The following CEP83 variants were observed in gnomAD, a reference collection of about 807,000 sequenced individuals.
The protein encoded by CEP83 is centrosomal protein of 83 kDa.
A neutral mutation model predicts 101.9 loss-of-function variants in CEP83; 70 were observed. The observed-to-expected ratio is 0.69, with a 90% CI of 0.57 to 0.84. The LOEUF (loss-of-function observed/expected upper bound fraction) is 0.84, where lower values mean the gene tolerates loss of function less well. Ranked by LOEUF, CEP83 falls within the 40% of genes least tolerant of loss-of-function variation. The pLI, the probability that CEP83 is intolerant of heterozygous loss-of-function variation, is 0.00. For missense variants in CEP83, 715 were observed against 787.2 expected (o/e 0.91, Z 1.10); for synonymous variants, 264 against 267.9 (o/e 0.99, Z 0.14).
chr12:94,420,244 T>C (rs1032575269), intron 2 of CEP83, among the ~76,000 whole-genome samples: 9 of 152,086 alleles, frequency 5.9e-5, no homozygotes, highest in African/African-American at 1.9e-4. Flanking sequence ...TAAAAAAAAA[T>C]ACATATACTA....
chr12:94,352,488 G>T (rs2060248303), intron 11 of CEP83, among the ~76,000 whole-genome samples: 1 of 149,738 alleles, frequency 6.7e-6, no homozygotes, highest in Admixed American at 6.7e-5. Flanking sequence ...TAATACTCCA[G>T]TAATAGACCC....
Position 94,333,515 on chromosome 12 carries a change from C to G in CEP83, c.1544G>C (p.Ser515Thr). The G allele has an allele frequency of 6.2e-7, 1 of 1,613,358 alleles. No individual in the cohort carries two copies. The highest frequency in any genetic ancestry group is 8.5e-7 in the Non-Finnish European group (1 of 1,179,728). ...TTCTAGTTGCGCTTTTTCAGCTTGG[C>G]TTCTAAAATTTCGGCATTCTTGTTT... Reference protein sequence around the residue: ...RLKQECRNFRSQAEKAQLEAE... With the variant: ...RLKQECRNFRTQAEKAQLEAE... Residue 515 changes from serine to threonine, a missense_variant, in exon 13 of 17, where the codon AGC (serine) becomes ACC (threonine). Coordinates refer to ENST00000397809, the MANE Select transcript of CEP83 (RefSeq NM_016122.3).
At chr12:94,297,479 T>C in the CEP83 span, 1 of 1,182,152 alleles carries the variant, frequency 8.5e-7, no homozygotes, top group Admixed American at 1.8e-5. Context: ...TATGATATGT[T>C]TGACTTAATT....
downstream of CEP83, chr12:94,305,580 A>T (rs982968762): frequency 6.5e-6 from 2 of 307,470 alleles, no homozygotes; most frequent in East Asian, 6.4e-5. Flanking sequence ...TTGTAACTAC[A>T]GTCTCCACTT....
At chr12:94,384,310 CT>C (rs2062012891) in intron 6 of CEP83, among the ~76,000 whole-genome samples, 1 of 152,154 alleles carries the variant, frequency 6.6e-6, no homozygotes. Flanking sequence ...AGCTAGTTTT[CT>C]AATTGTTTTC....
intron 6 of CEP83, among the ~76,000 whole-genome samples, chr12:94,393,772 A>G (rs571949137): frequency 3.6e-4 from 55 of 152,360 alleles, no homozygotes; most frequent in African/African-American, 1.2e-3. Context: ...CAACTTCAGC[A>G]AAGTCTCAGG....
chr12:94,383,884 C>G (rs749387119), intron 6 of CEP83, among the ~76,000 whole-genome samples: 1 of 151,880 alleles, frequency 6.6e-6, no homozygotes, highest in African/African-American at 2.4e-5. Context: ...CTTTTATATC[C>G]CTTTGTCCTT....
intron 13 of CEP83, among the ~76,000 whole-genome samples, chr12:94,333,045 C>CAAAAAAAAAAAAAAAAAAAAAA (rs34900007): frequency 1.4e-5 from 1 of 73,174 alleles, no homozygotes; most frequent in Non-Finnish European, 2.4e-5. Flanking sequence ...ATTTTAAGAC[C>CAAAAAAAAAAAAAAAAAAAAAA]AAAAAAAAAA....
chr12:94,339,085 C>T (rs1303293301), intron 11 of CEP83, among the ~76,000 whole-genome samples: 1 of 152,128 alleles, frequency 6.6e-6, no homozygotes, highest in Admixed American at 6.5e-5. Context: ...CTGCCTCAGC[C>T]TCTCAAGTAG....
rs181182548 is a variant in CEP83 at position 94,413,105 on chromosome 12, C to T, written c.-101-514G>A. Among the ~76,000 whole-genome samples, 152 of 152,320 alleles carry T rather than the reference C, an allele frequency of 1.0e-3. 1 individual carries two copies. The highest frequency in any genetic ancestry group is 3.4e-3 in the African/African-American group (141 of 41,572). On this transcript the variant is annotated intron_variant, in intron 2 of 16. Transcript: ENST00000397809. ...CTGACATCAGGCATTCTGCCTGCCT[C>T]GGCCTCCCAAAGTGCTGGGATTACA... is the stretch of plus-strand genomic sequence containing the variant.
the CEP83 span, among the ~76,000 whole-genome samples, chr12:94,296,812 T>C: frequency 6.6e-6 from 1 of 152,250 alleles, no homozygotes. Flanking sequence ...ATGTCTCTCA[T>C]TGGCCAGAAT....
rs191330752 is a variant in CEP83, at chr12:94,448,118, T to A, written c.-155+11439A>T. 1.0e-3 allele frequency among the ~76,000 whole-genome samples: 158 copies of A among 151,912 alleles called. 1 individual carries two copies. The highest frequency in any genetic ancestry group is 3.4e-3 in the Middle Eastern group (1 of 294). ...CAGGTTAAAATTAAAAGGATTTTTT[T>A]AAAAAAATACACCATAGAAACAGTA... On this transcript the variant is annotated intron_variant, in intron 1 of 16. Transcript: ENST00000397809.
intron 1 of CEP83, among the ~76,000 whole-genome samples, chr12:94,446,923 A>G (rs2066852088): frequency 1.3e-5 from 2 of 152,190 alleles, no homozygotes; most frequent in Non-Finnish European, 2.9e-5. Context: ...TGAAACACAA[A>G]GAGGAAATCT....
intron 1 of CEP83, among the ~76,000 whole-genome samples, chr12:94,454,633 C>G (rs527561985): frequency 1.3e-5 from 2 of 152,210 alleles, no homozygotes; most frequent in African/African-American, 4.8e-5. Context: ...CCTTCCATGC[C>G]GTGGAAGCTC....
intron 7 of CEP83, among the ~76,000 whole-genome samples, chr12:94,377,602 T>G (rs947212415): frequency 9.2e-5 from 14 of 152,328 alleles, no homozygotes; most frequent in African/African-American, 3.4e-4. Context: ...AAGAAATGCT[T>G]GCTGTCATAC....
At chr12:94,337,216 A>C (rs1042740717) in intron 11 of CEP83, among the ~76,000 whole-genome samples, 2 of 152,236 alleles carry the variant, frequency 1.3e-5, no homozygotes, top group Admixed American at 1.3e-4. Context: ...AGCTGAAGCC[A>C]AAGAAACCAA....
intron 1 of CEP83, among the ~76,000 whole-genome samples, chr12:94,436,063 GA>G (rs928894003): frequency 8.2e-5 from 12 of 146,770 alleles, no homozygotes; most frequent in African/African-American, 3.0e-4. Context: ...CACCCTGTGG[GA>G]CAAAAAAAAA....
downstream of CEP83, among the ~76,000 whole-genome samples, chr12:94,301,913 A>C (rs1028326712): frequency 6.6e-6 from 1 of 151,994 alleles, no homozygotes; most frequent in Non-Finnish European, 1.5e-5. Flanking sequence ...ATTGGTTACC[A>C]CTTACTTCTG....
At chr12:94,312,426 A>T in intron 15 of CEP83, 1 of 228,966 alleles carries the variant, frequency 4.4e-6, no homozygotes, top group Non-Finnish European at 7.2e-6. Context: ...CAAATGTGTC[A>T]TATAATGCCA....
Sources: gnomAD v4.1 joint callset for allele counts (sites outside exome capture counted in the v4.1 genomes callset) on GRCh38, gnomAD v4.1.1 for gene constraint, MANE v1.5 for transcripts, NCBI Gene and HGNC (gene_info 2026-07-23, HGNC 2026-07-21) for gene names.